FTO: variants seen among roughly 807,000 people sequenced by gnomAD.
The protein encoded by FTO is alpha-ketoglutarate-dependent dioxygenase FTO.
A neutral mutation model predicts 63.9 loss-of-function variants in FTO; 47 were observed. That is an observed-to-expected ratio of 0.74 (90% confidence interval 0.58 to 0.94). The LOEUF (loss-of-function observed/expected upper bound fraction) is 0.94, where lower values mean the gene tolerates loss of function less well. Ranked by LOEUF, FTO falls within the 40% of genes least tolerant of loss-of-function variation. FTO has a pLI of 0.00. For synonymous variants in FTO, 207 were observed against 224.4 expected, an observed-to-expected ratio of 0.92 and a Z score of 0.69; for missense variants, 562 against 618.1, an observed-to-expected ratio of 0.91 and a Z score of 0.96.
At chr16:53,783,116 G>C (rs902855014) in intron 1 of FTO, among the ~76,000 whole-genome samples, 2 of 152,182 alleles carry the variant, frequency 1.3e-5, no homozygotes, top group Non-Finnish European at 2.9e-5. Flanking sequence ...GCTTCAAGGA[G>C]TTACAGTCTA....
intron 8 of FTO, among the ~76,000 whole-genome samples, chr16:54,108,534 G>T (rs904143207): frequency 6.6e-6 from 1 of 152,118 alleles, no homozygotes; most frequent in African/African-American, 2.4e-5. Flanking sequence ...CTGTCTAGAG[G>T]CTACGCACCC....
intron 1 of FTO, among the ~76,000 whole-genome samples, chr16:53,783,795 A>G (rs1031493372): frequency 1.3e-5 from 2 of 151,872 alleles, no homozygotes; most frequent in African/African-American, 2.4e-5. Flanking sequence ...CTCGGAAAAA[A>G]AAAAAATTAA....
chr16:53,886,556 C>T (rs942932935), intron 6 of FTO, among the ~76,000 whole-genome samples: 2 of 152,230 alleles, frequency 1.3e-5, no homozygotes, highest in African/African-American at 4.8e-5. Flanking sequence ...CATCTGTTAA[C>T]CACTGTCTTT....
intron 1 of FTO, among the ~76,000 whole-genome samples, chr16:53,753,893 C>T (rs368171059): frequency 7.9e-4 from 120 of 152,280 alleles, no homozygotes; most frequent in African/African-American, 2.6e-3. Flanking sequence ...AGGGGTGCTG[C>T]GTTTTCTACC....
chr16:54,102,960 C>G (rs936098397), intron 8 of FTO, among the ~76,000 whole-genome samples: 1 of 152,004 alleles, frequency 6.6e-6, no homozygotes, highest in Non-Finnish European at 1.5e-5. Context: ...TGAGACCAAC[C>G]TGTGCAACAA....
intron 4 of FTO, among the ~76,000 whole-genome samples, chr16:53,846,923 A>G (rs1005367117): frequency 1.3e-5 from 2 of 152,178 alleles, no homozygotes; most frequent in Non-Finnish European, 2.9e-5. Flanking sequence ...ATTTGAGAGA[A>G]AAGAAACTCT....
intron 3 of FTO, among the ~76,000 whole-genome samples, chr16:53,839,815 A>T (rs77178696): frequency 0.14 from 6,947 of 49,098 alleles, 418 homozygotes; most frequent in East Asian, 0.54. Context: ...TTATTTATTT[A>T]TTTATTTTAA....
In FTO at chr16:54,114,356, T is replaced by C. The variant is rs1389048256; in HGVS notation, c.*2441T>C. Reference sequence around the variant, plus strand: ...TCGAAATATTTTGTGCTTACCCCAATATATGTGTGTGACTATTGAACTCTA... The same window carrying C: ...TCGAAATATTTTGTGCTTACCCCAACATATGTGTGTGACTATTGAACTCTA... On this transcript the variant is annotated 3_prime_UTR_variant, in exon 9 of 9. Transcript: ENST00000471389. The C allele has an allele frequency of 6.6e-6, 1 of 152,182 alleles. No homozygotes were observed. The highest frequency in any genetic ancestry group is 1.9e-4 in the East Asian group (1 of 5,188). The allele number at this position is 152,182 out of a possible 1,614,324, so 9.4% of individuals were successfully genotyped here.
intron 8 of FTO, among the ~76,000 whole-genome samples, chr16:53,948,982 C>T (rs555048603): frequency 1.3e-5 from 2 of 152,222 alleles, no homozygotes; most frequent in East Asian, 3.9e-4. Flanking sequence ...GTGTGTGTTG[C>T]CTTGAACTTG....
chr16:54,094,802 G>C (rs903041434), intron 8 of FTO, among the ~76,000 whole-genome samples: 3 of 152,156 alleles, frequency 2.0e-5, no homozygotes, highest in African/African-American at 7.2e-5. Context: ...ACTGTGTGTA[G>C]GTAGAGCATA....
At position 53,809,173 on chromosome 16, in the gene FTO, G is replaced by A. The variant is rs74018599; in HGVS notation, c.46-967G>A. ...CACAGTACTGTTTGGGGAAAACATA[G>A]TCTCTTGAAACAGCCTCAGACAATG... is the stretch of plus-strand genomic sequence containing the variant. On this transcript the variant is annotated intron_variant, in intron 1 of 8. Transcript: ENST00000471389. 2.7e-3 allele frequency among the ~76,000 whole-genome samples: 405 copies of A among 152,286 alleles called. 3 individuals carry two copies. The highest frequency in any genetic ancestry group is 9.4e-3 in the African/African-American group (390 of 41,564).
At chr16:53,911,267 A>T (rs1027773471) in intron 7 of FTO, 1 of 651,888 alleles carries the variant, frequency 1.5e-6, no homozygotes, top group African/African-American at 1.8e-5. Context: ...TTTCAAGAGT[A>T]AAGGAGAACA....
intron 1 of FTO, among the ~76,000 whole-genome samples, chr16:53,802,591 T>C (rs895391702): frequency 6.6e-6 from 1 of 152,226 alleles, no homozygotes; most frequent in Non-Finnish European, 1.5e-5. Context: ...TGTGGATTGA[T>C]GGTTTTCATC....
chr16:54,010,464 C>T (rs2084309669), intron 8 of FTO, among the ~76,000 whole-genome samples: 1 of 152,104 alleles, frequency 6.6e-6, no homozygotes, highest in South Asian at 2.1e-4. Flanking sequence ...CCTAACTCTT[C>T]ATATTAGTAA....
At chr16:53,895,169 A>G (rs1028260086) in intron 7 of FTO, among the ~76,000 whole-genome samples, 2 of 152,096 alleles carry the variant, frequency 1.3e-5, no homozygotes, top group Non-Finnish European at 2.9e-5. Context: ...CTGGGGAGAA[A>G]TTTTACATGT....
chr16:53,819,533 G>T (rs1420405245), intron 2 of FTO, among the ~76,000 whole-genome samples: 2 of 152,108 alleles, frequency 1.3e-5, no homozygotes, highest in African/African-American at 2.4e-5. Flanking sequence ...GGGTGTGTGT[G>T]TGTGTATTTA....
chr16:53,996,284 A>G (rs1226140695), intron 8 of FTO, among the ~76,000 whole-genome samples: 1 of 152,282 alleles, frequency 6.6e-6, no homozygotes, highest in South Asian at 2.1e-4. Context: ...TAGAAGGAAA[A>G]ATAAAAGTGG....
chr16:53,862,120 T>C (rs1346038732), intron 4 of FTO, among the ~76,000 whole-genome samples: 1 of 152,142 alleles, frequency 6.6e-6, no homozygotes, highest in Admixed American at 6.5e-5. Flanking sequence ...TGATGGCACA[T>C]GCCTGTAATC....
chr16:53,984,574 A>G (rs528879713), intron 8 of FTO, among the ~76,000 whole-genome samples: 1 of 151,528 alleles, frequency 6.6e-6, no homozygotes, highest in African/African-American at 2.4e-5. Context: ...TCCTGCCCCA[A>G]CCTCCCAAAG....
Sources: gnomAD v4.1 joint callset for allele counts (sites outside exome capture counted in the v4.1 genomes callset) on GRCh38, gnomAD v4.1.1 for gene constraint, MANE v1.5 for transcripts, NCBI Gene and HGNC (gene_info 2026-07-23, HGNC 2026-07-21) for gene names.